The following ZBTB20 variants were observed in gnomAD, a reference collection of about 807,000 sequenced individuals.
ZBTB20 encodes zinc finger and BTB domain-containing protein 20.
In ZBTB20, 9 loss-of-function variants were observed where a neutral mutation model predicts 56.9. The ratio of observed to expected loss-of-function variants is 0.16; its 90% confidence interval spans 0.10 to 0.28. ZBTB20 has a LOEUF of 0.28. ZBTB20 is among the 10% of genes least tolerant of loss of function. The pLI is 1.00. For synonymous variants in ZBTB20, 417 were observed against 420.7 expected (o/e 0.99, Z 0.11); for missense variants, 655 against 1,003.0 (o/e 0.65, Z 4.69).
At chr3:114,761,333 A>G (rs2068422609) in intron 5 of ZBTB20, among the ~76,000 whole-genome samples, 1 of 152,156 alleles carries the variant, frequency 6.6e-6, no homozygotes, top group Admixed American at 6.6e-5. Context: ...TACATATAGT[A>G]TCTCATTTAA....
At chr3:114,778,343 C>T (rs574190605) in intron 5 of ZBTB20, among the ~76,000 whole-genome samples, 10 of 148,934 alleles carry the variant, frequency 6.7e-5, no homozygotes, top group Middle Eastern at 3.5e-3. Context: ...GAGCAAAACT[C>T]CATCTCAAAA....
intron 7 of ZBTB20, among the ~76,000 whole-genome samples, chr3:114,417,144 T>G (rs985983460): frequency 9.2e-5 from 14 of 152,124 alleles, no homozygotes; most frequent in Admixed American, 2.6e-4. Context: ...CAGAATGGAT[T>G]AACGAGTTCT....
intron 7 of ZBTB20, among the ~76,000 whole-genome samples, chr3:114,448,473 G>C (rs1222009890): frequency 6.6e-6 from 1 of 152,010 alleles, no homozygotes; most frequent in Admixed American, 6.6e-5. Flanking sequence ...GATGGATCAA[G>C]GAGAAGCAAA....
rs1241398170 is a variant in ZBTB20 at position 115,017,009 on chromosome 3, C to G, written c.-506-42593G>C. ...GCCCTCTCTCACCACTCCTACTCAA[C>G]ATAGTATTGGAAGTTCTGGCCAGGG... On this transcript the variant is annotated intron_variant, in intron 2 of 11. Transcript: ENST00000675478. Among the ~76,000 whole-genome samples the G allele has an allele frequency of 3.3e-5, 5 of 151,540 alleles. No homozygotes were observed. In the East Asian group the frequency reaches 9.8e-4, roughly 30 times the overall value.
chr3:114,492,722 A>G (rs1340820013), intron 7 of ZBTB20, among the ~76,000 whole-genome samples: 1 of 152,238 alleles, frequency 6.6e-6, no homozygotes, highest in Admixed American at 6.5e-5. Context: ...ATAATTTTAG[A>G]TTAACGTGCA....
At position 114,695,794 on chromosome 3, in the gene ZBTB20, C is replaced by G. The variant is rs1247983610; in HGVS notation, c.-342-2219G>C. ...TTTTATGTTTTTTTCTTTTGACAAT[C>G]AGGCACCTACATGCAAAACTGCATA... On this transcript the variant is annotated intron_variant, in intron 5 of 11. Coordinates refer to ENST00000675478, the MANE Select transcript of ZBTB20 (RefSeq NM_001348800.3). Among the ~76,000 whole-genome samples the G allele has an allele frequency of 4.6e-5, 7 of 152,008 alleles. No homozygotes were observed. The East Asian group carries it at 1.3e-3, about 29-fold the overall frequency.
Position 114,350,964 on chromosome 3 carries a change from C to T in ZBTB20, c.1114G>A (p.Gly372Ser), listed in dbSNP as rs1202271305. The T allele has an allele frequency of 6.2e-7, 1 of 1,607,524 alleles. No homozygotes were observed. Among genetic ancestry groups the T allele is most frequent in the Non-Finnish European group, 8.5e-7 (1 of 1,179,864 alleles). Residue 372 changes from glycine (G) to serine (S), a missense_variant, in exon 11 of 12, where the codon GGT becomes AGT. Physicochemically the swap from Gly to Ser is moderately conservative, Grantham distance 56. Coordinates refer to ENST00000675478, the MANE Select transcript of ZBTB20 (RefSeq NM_001348800.3). ...CTGACGCCCGAGTCGAAGCTTTCAC[C>T]TTTGGGCTCACTCTCGGTGCCCTCG... is the stretch of plus-strand genomic sequence containing the variant. ...QAEGTESEPK[G>S]ESFDSGVSSS...
At chr3:115,056,156 G>T (rs1324568326) in intron 2 of ZBTB20, among the ~76,000 whole-genome samples, 2 of 151,848 alleles carry the variant, frequency 1.3e-5, no homozygotes, top group African/African-American at 2.4e-5. Context: ...TTTTACAGCA[G>T]AATAAAACAA....
chr3:115,120,579 A>T (rs2084157385), intron 1 of ZBTB20, among the ~76,000 whole-genome samples: 1 of 152,158 alleles, frequency 6.6e-6, no homozygotes, highest in African/African-American at 2.4e-5. Flanking sequence ...CAAATTGCAG[A>T]ATGTCAATTG....
intron 1 of ZBTB20, chr3:115,100,165 T>C (rs1414862601): frequency 6.6e-6 from 1 of 151,474 alleles, no homozygotes; most frequent in Non-Finnish European, 1.5e-5. Flanking sequence ...AAGAAAGTTG[T>C]CTGCCCTACC....
intron 6 of ZBTB20, among the ~76,000 whole-genome samples, chr3:114,512,502 T>C (rs571746743): frequency 2.0e-5 from 3 of 152,264 alleles, no homozygotes; most frequent in Admixed American, 1.3e-4. Context: ...GTTATAAATA[T>C]AACCACCTGC....
chr3:114,648,141 C>T (rs564176877), intron 6 of ZBTB20, among the ~76,000 whole-genome samples: 1 of 151,834 alleles, frequency 6.6e-6, no homozygotes, highest in South Asian at 2.1e-4. Flanking sequence ...CCTCTTATTA[C>T]TCATCAATAA....
chr3:114,757,501 AGGCAGAT>A (rs1258675024), intron 5 of ZBTB20, among the ~76,000 whole-genome samples: 1 of 152,134 alleles, frequency 6.6e-6, no homozygotes, highest in Non-Finnish European at 1.5e-5. Flanking sequence ...ATAATAAAGC[AGGCAGAT>A]GGTTAAGTCT....
chr3:114,551,094 G>T (rs2050518187), intron 6 of ZBTB20, among the ~76,000 whole-genome samples: 3 of 152,050 alleles, frequency 2.0e-5, no homozygotes, highest in African/African-American at 4.8e-5. Context: ...CTGAAACAAG[G>T]GGGGTTTGTA....
chr3:114,868,793 G>A (rs1576170502), intron 4 of ZBTB20, among the ~76,000 whole-genome samples: 2 of 152,198 alleles, frequency 1.3e-5, no homozygotes, highest in Admixed American at 6.5e-5. Context: ...ATAAAAATGT[G>A]TATAGGTTGG....
intron 7 of ZBTB20, among the ~76,000 whole-genome samples, chr3:114,408,472 C>T (rs1386046749): frequency 6.6e-6 from 1 of 152,088 alleles, no homozygotes; most frequent in Non-Finnish European, 1.5e-5. Context: ...CGAGAGAAAA[C>T]CTTTGACGAA....
chr3:115,063,308 C>G (rs957395087), intron 2 of ZBTB20, among the ~76,000 whole-genome samples: 1 of 152,168 alleles, frequency 6.6e-6, no homozygotes, highest in African/African-American at 2.4e-5. Flanking sequence ...AAATGTATTT[C>G]TCACAGTTCT....
intron 1 of ZBTB20, among the ~76,000 whole-genome samples, chr3:115,119,445 T>G (rs2084117773): frequency 6.6e-6 from 1 of 152,194 alleles, no homozygotes; most frequent in Non-Finnish European, 1.5e-5. Flanking sequence ...TTTTACCATA[T>G]TCAGACACTG....
chr3:114,366,751 T>A (rs777432542), intron 10 of ZBTB20: 1 of 152,238 alleles, frequency 6.6e-6, no homozygotes. Context: ...ATTATCTCCA[T>A]GCATTACCAA....
Sources: gnomAD v4.1 joint callset for allele counts (sites outside exome capture counted in the v4.1 genomes callset) on GRCh38, gnomAD v4.1.1 for gene constraint, MANE v1.5 for transcripts, NCBI Gene and HGNC (gene_info 2026-07-23, HGNC 2026-07-21) for gene names.